The following GLS variants were observed in gnomAD, a reference collection of about 807,000 sequenced individuals.
GLS encodes glutaminase, also known as glutaminase kidney isoform, mitochondrial.
A neutral mutation model predicts 86.7 loss-of-function variants in GLS; 36 were observed. The observed-to-expected ratio is 0.42, with a 90% CI of 0.32 to 0.55. GLS has a LOEUF of 0.55. Among genes scored for constraint, GLS ranks in the 20% least tolerant of loss-of-function variants. The probability of loss-of-function intolerance (pLI) is 0.17; values close to 1 mark genes in which losing one functional copy is unlikely to be tolerated. For missense variants in GLS, 528 were observed against 833.4 expected (o/e 0.63, Z 4.51); for synonymous variants, 317 against 305.9 (o/e 1.04, Z -0.38).
rs192159728 is a variant in GLS at position 190,935,013 on chromosome 2, T to G, written c.1650+3376T>G. 15 of 952,204 alleles carry G rather than the reference T, an allele frequency of 1.6e-5. No homozygotes were observed. In the African/African-American group the frequency reaches 2.6e-4, roughly 17 times the overall value. The allele number at this position is 952,204 out of a possible 1,614,324, so 59.0% of individuals were successfully genotyped here. ...GTACCCACTATTATTGGGTTTGTTTTATGCCATTATTGATTCTTGATATTC... is the reference window on the plus strand; with the variant it reads ...GTACCCACTATTATTGGGTTTGTTTGATGCCATTATTGATTCTTGATATTC... On this transcript the variant is annotated intron_variant, in intron 14 of 17. Coordinates refer to ENST00000320717, the MANE Select transcript of GLS (RefSeq NM_014905.5). The surrounding 1 kb of genome is among the most constrained non-coding windows in gnomAD (Gnocchi z 4.2).
chr2:190,915,319 G>C (rs1388696145), intron 7 of GLS, among the ~76,000 whole-genome samples: 1 of 151,794 alleles, frequency 6.6e-6, no homozygotes, highest in Non-Finnish European at 1.5e-5. Context: ...ATAATTTTCT[G>C]GTACCAGAAT....
intron 7 of GLS, among the ~76,000 whole-genome samples, chr2:190,910,622 T>A (rs571378869): frequency 5.3e-5 from 8 of 151,428 alleles, no homozygotes; most frequent in Middle Eastern, 3.4e-3. Context: ...TTTTTTTTTT[T>A]AAAGTTTTGA....
intron 7 of GLS, among the ~76,000 whole-genome samples, chr2:190,916,015 T>G (rs918918457): frequency 6.6e-6 from 1 of 152,230 alleles, no homozygotes; most frequent in African/African-American, 2.4e-5. Flanking sequence ...ATAAAACTTT[T>G]AAAATTTCAA....
In GLS at chr2:190,924,999, C is replaced by T. The variant is rs1237393185; in HGVS notation, c.1248+406C>T. Among the ~76,000 whole-genome samples the T allele has an allele frequency of 1.3e-5, 2 of 152,130 alleles. No individual in the cohort carries two copies. The highest frequency in any genetic ancestry group is 4.8e-5 in the African/African-American group (2 of 41,436). On this transcript the variant is annotated intron_variant, in intron 11 of 17. Coordinates refer to ENST00000320717, the MANE Select transcript of GLS (RefSeq NM_014905.5). This position sits in a 1 kb window ranked among gnomAD's most constrained non-coding sequence, Gnocchi z 5.2. Reference sequence around the variant, plus strand: ...CTAGGCCATGAGAAAATACATTTTCCATTGACTTTCAAAAATGTCTTCATA... The same window carrying T: ...CTAGGCCATGAGAAAATACATTTTCTATTGACTTTCAAAAATGTCTTCATA...
At chr2:190,942,067 CTTTTTTTTTT>C (rs3036653) in intron 14 of GLS, among the ~76,000 whole-genome samples, 443 of 38,032 alleles carry the variant, frequency 0.012, 4 homozygotes, top group African/African-American at 0.024. Flanking sequence ...ACTTTGAAGA[CTTTTTTTTTT>C]TTTTTTTTTT....
chr2:190,888,752 A>G (rs1419976442), intron 1 of GLS, among the ~76,000 whole-genome samples: 1 of 151,448 alleles, frequency 6.6e-6, no homozygotes, highest in Non-Finnish European at 1.5e-5. Context: ...TTTAACCAGT[A>G]CTCTTAAGGG....
intron 7 of GLS, among the ~76,000 whole-genome samples, chr2:190,915,418 T>A (rs1419269541): frequency 6.6e-6 from 1 of 152,204 alleles, no homozygotes; most frequent in Non-Finnish European, 1.5e-5. Flanking sequence ...GTATATTTCT[T>A]CCAATTTGGT....
intron 14 of GLS, among the ~76,000 whole-genome samples, chr2:190,944,196 A>T (rs1355828800): frequency 6.8e-6 from 1 of 147,234 alleles, no homozygotes; most frequent in Non-Finnish European, 1.5e-5. Context: ...AATGGCCTGG[A>T]TTTTTTTTTT....
rs183731333 is a variant in GLS, at chr2:190,964,288, C to T, written c.*1302C>T. The T allele has an allele frequency of 7.9e-5, 12 of 152,056 alleles. No individual in the cohort carries two copies. The highest frequency in any genetic ancestry group is 1.3e-4 in the Admixed American group (2 of 15,252). 9.4% of individuals were successfully genotyped at this position (152,056 alleles called of 1,614,324 possible). ...ACATACATTTTATCCTGTCATACCTCGAGATAAAGTGGCATGTTAGTGAGG... is the reference window on the plus strand; with the variant it reads ...ACATACATTTTATCCTGTCATACCTTGAGATAAAGTGGCATGTTAGTGAGG... On this transcript the variant is annotated 3_prime_UTR_variant, in exon 18 of 18. Transcript: ENST00000320717. The surrounding 1 kb of genome is among the most constrained non-coding windows in gnomAD (Gnocchi z 5.2).
chr2:190,939,589 C>A (rs1268582041), intron 14 of GLS, among the ~76,000 whole-genome samples: 1 of 151,780 alleles, frequency 6.6e-6, no homozygotes, highest in South Asian at 2.1e-4. Flanking sequence ...TAATCAGTCT[C>A]TTGCTGAACT....
intron 17 of GLS, among the ~76,000 whole-genome samples, chr2:190,957,939 A>T (rs543329746): frequency 1.5e-4 from 23 of 152,180 alleles, no homozygotes; most frequent in African/African-American, 5.5e-4. Context: ...GTTAGGGAGG[A>T]TTCCTTCTTT....
chr2:190,908,956 A>G (rs1345319892), intron 6 of GLS, among the ~76,000 whole-genome samples: 2 of 152,250 alleles, frequency 1.3e-5, no homozygotes, highest in African/African-American at 2.4e-5. Context: ...ATAGATTAGC[A>G]GTCTTCTAGG....
chr2:190,954,824 C>CACT lies in GLS; in HGVS notation c.1853+7_1853+9dup. 1 of 1,586,874 alleles carries CACT rather than the reference C, an allele frequency of 6.3e-7. No homozygotes were observed. The highest frequency in any genetic ancestry group is 1.1e-5 in the South Asian group (1 of 89,476). ...AACCCTTTCCCCAAGGACAGGTGAG[C>CACT]ACTTATGTTACCTTCTAAATATGTC... On this transcript the variant is annotated splice_region_variant and intron_variant, in intron 17 of 17. Coordinates refer to ENST00000320717, the MANE Select transcript of GLS (RefSeq NM_014905.5). This position sits in a 1 kb window ranked among gnomAD's most constrained non-coding sequence, Gnocchi z 4.0.
intron 6 of GLS, among the ~76,000 whole-genome samples, chr2:190,908,070 C>A (rs902539233): frequency 6.6e-6 from 1 of 152,032 alleles, no homozygotes; most frequent in Non-Finnish European, 1.5e-5. Flanking sequence ...TTTTTCCAAC[C>A]ATCCTCAATG....
At chr2:190,952,605 GCA>G (rs905667326) in intron 14 of GLS, among the ~76,000 whole-genome samples, 1 of 152,222 alleles carries the variant, frequency 6.6e-6, no homozygotes, top group African/African-American at 2.4e-5. Flanking sequence ...AGATCTTGAA[GCA>G]CAGTTCCAGG....
At chr2:190,883,368 T>C (rs943874259) in intron 1 of GLS, among the ~76,000 whole-genome samples, 1 of 152,196 alleles carries the variant, frequency 6.6e-6, no homozygotes, top group Admixed American at 6.5e-5. Context: ...GATCCTGTTA[T>C]CCTTTCTAAT....
chr2:190,906,840 AAAAT>A lies in GLS; in HGVS notation c.979+1679_979+1682del, dbSNP rs562122636. Among the ~76,000 whole-genome samples the A allele has an allele frequency of 7.9e-5, 12 of 152,254 alleles. No individual in the cohort carries two copies. The South Asian group carries it at 1.4e-3, about 18-fold the overall frequency. The stretch of plus-strand genomic sequence containing the variant: ...TGTATCTAAAATAATAAATTTTTAA[AAAAT>A]AAATATATTACTGTTACACCAGCTT... On this transcript the variant is annotated intron_variant, in intron 6 of 17. Coordinates refer to ENST00000320717, the MANE Select transcript of GLS (RefSeq NM_014905.5).
rs938596035 is a variant in GLS, at chr2:190,917,416, C to T, written c.1039-3608C>T. 3.3e-5 allele frequency among the ~76,000 whole-genome samples: 5 copies of T among 152,160 alleles called. No individual in the cohort carries two copies. In the East Asian group the frequency reaches 9.6e-4, roughly 29 times the overall value. ...ATTTCCATCACATGTGTGGTTACTT[C>T]CTCCACTTGGACCCCTCAGTCATCC... On this transcript the variant is annotated intron_variant, in intron 7 of 17. Transcript: ENST00000320717.
At chr2:190,932,702 G>A (rs763494096) in intron 14 of GLS, 1 of 1,576,282 alleles carries the variant, frequency 6.3e-7, no homozygotes, top group Admixed American at 1.8e-5. Context: ...TATGTATGTT[G>A]CTTGAACAAC....
Sources: gnomAD v4.1 joint callset for allele counts (sites outside exome capture counted in the v4.1 genomes callset) on GRCh38, gnomAD v4.1.1 for gene constraint, Gnocchi (gnomAD v3.1) non-coding constraint, MANE v1.5 for transcripts, NCBI Gene and HGNC (gene_info 2026-07-23, HGNC 2026-07-21) for gene names.